The following DCDC1 variants were observed in gnomAD, a reference collection of about 807,000 sequenced individuals.
DCDC1 encodes doublecortin domain-containing protein 1.
A neutral mutation model predicts 178.3 loss-of-function variants in DCDC1; 200 were observed. That is an observed-to-expected ratio of 1.12 (90% CI 1.00 to 1.26). The LOEUF (loss-of-function observed/expected upper bound fraction) is 1.26. Among genes scored for constraint, DCDC1 ranks in the 50% most tolerant of loss-of-function variants. DCDC1 has a pLI of 0.00. For synonymous variants in DCDC1, 690 were observed against 604.8 expected (o/e 1.14, Z -2.07); for missense variants, 1,983 against 1,749.2 (o/e 1.13, Z -2.38).
At chr11:31,344,801 G>T (rs1255878996) in intron 1 of DCDC1, among the ~76,000 whole-genome samples, 1 of 152,042 alleles carries the variant, frequency 6.6e-6, no homozygotes, top group Non-Finnish European at 1.5e-5. Flanking sequence ...TAAGAAGCTG[G>T]CACTTTAAAA....
At chr11:31,257,944 A>G (rs1170622318) in intron 8 of DCDC1, among the ~76,000 whole-genome samples, 6 of 152,238 alleles carry the variant, frequency 3.9e-5, no homozygotes, top group African/African-American at 1.4e-4. Context: ...AGGAGACAGT[A>G]TCTCCAATGC....
intron 21 of DCDC1, among the ~76,000 whole-genome samples, chr11:30,932,831 G>T (rs193276020): frequency 6.6e-6 from 1 of 152,136 alleles, no homozygotes; most frequent in Non-Finnish European, 1.5e-5. Flanking sequence ...TGATGCTGGG[G>T]CAATAAAAGG....
intron 27 of DCDC1, among the ~76,000 whole-genome samples, chr11:30,915,135 G>A (rs945613511): frequency 6.6e-6 from 1 of 152,128 alleles, no homozygotes; most frequent in Admixed American, 6.6e-5. Flanking sequence ...TGGGGAGTAA[G>A]TTAATGAAAA....
chr11:31,247,526 G>A (rs1000655242), intron 8 of DCDC1, among the ~76,000 whole-genome samples: 2 of 151,866 alleles, frequency 1.3e-5, no homozygotes, highest in Non-Finnish European at 2.9e-5. Flanking sequence ...GAGTTGCCAT[G>A]TTCAGGGCTG....
At chr11:31,037,492 G>A (rs942428677) in intron 20 of DCDC1, among the ~76,000 whole-genome samples, 1 of 150,420 alleles carries the variant, frequency 6.6e-6, no homozygotes, top group Non-Finnish European at 1.5e-5. Flanking sequence ...GAGTGCAGTG[G>A]CGCGATCTCG....
At chr11:31,287,714 T>C (rs916872883) in intron 7 of DCDC1, among the ~76,000 whole-genome samples, 7 of 151,948 alleles carry the variant, frequency 4.6e-5, no homozygotes, top group Admixed American at 3.9e-4. Context: ...TCACCATCTG[T>C]GTTCTCTTTT....
chr11:30,963,162 C>T (rs116172174), intron 20 of DCDC1, among the ~76,000 whole-genome samples: 87 of 152,198 alleles, frequency 5.7e-4, no homozygotes, highest in African/African-American at 2.1e-3. Context: ...CAGCACCACG[C>T]TAGGCATTAC....
At position 30,989,310 on chromosome 11, in the gene DCDC1, A is replaced by G. The variant is rs1289401721; in HGVS notation, c.2592-36742T>C. ...TGTTTACATAGTACAGAGGGAGAAG[A>G]TATTTTTCAATATTTCATTTAATGT... On this transcript the variant is annotated intron_variant, in intron 20 of 38. Coordinates refer to ENST00000684477, the MANE Select transcript of DCDC1 (RefSeq NM_001387274.1). Among the ~76,000 whole-genome samples the G allele has an allele frequency of 7.2e-5, 11 of 152,284 alleles. No individual in the cohort carries two copies. In the East Asian group the frequency reaches 1.9e-3, roughly 27 times the overall value.
intron 20 of DCDC1, among the ~76,000 whole-genome samples, chr11:30,973,074 C>T (rs971606588): frequency 1.1e-4 from 17 of 152,060 alleles, no homozygotes; most frequent in African/African-American, 3.9e-4. Flanking sequence ...GAGTTCGAGA[C>T]CAGCCTGGGC....
chr11:30,872,651 C>A (rs962760438), intron 38 of DCDC1, among the ~76,000 whole-genome samples: 2 of 152,010 alleles, frequency 1.3e-5, no homozygotes, highest in Non-Finnish European at 2.9e-5. Flanking sequence ...CCGTTCCCTA[C>A]GACAACCCTC....
At chr11:31,287,547 G>C (rs767286989) in intron 7 of DCDC1, among the ~76,000 whole-genome samples, 15 of 151,962 alleles carry the variant, frequency 9.9e-5, no homozygotes, top group Non-Finnish European at 1.6e-4. Flanking sequence ...TGTCAATAAA[G>C]AGATGGTTCT....
intron 20 of DCDC1, among the ~76,000 whole-genome samples, chr11:31,050,766 G>A (rs970488758): frequency 2.0e-5 from 3 of 152,130 alleles, no homozygotes; most frequent in Non-Finnish European, 4.4e-5. Flanking sequence ...AATAACTGCA[G>A]TTCAACTCAC....
chr11:31,157,355 C>CAAA (rs1555090310), intron 9 of DCDC1, among the ~76,000 whole-genome samples: 1 of 121,932 alleles, frequency 8.2e-6, no homozygotes, highest in Admixed American at 8.9e-5. Flanking sequence ...GACCCTTTCT[C>CAAA]AAAAAAAAAA....
chr11:30,952,251 T>C (rs558359410), intron 21 of DCDC1, among the ~76,000 whole-genome samples, 194 bp downstream of exon 21: 46 of 152,214 alleles, frequency 3.0e-4, no homozygotes, highest in African/African-American at 1.0e-3. Context: ...CAAGAAAAAA[T>C]AGATAAGTTC....
chr11:31,277,533 T>C (rs959146104), intron 7 of DCDC1, among the ~76,000 whole-genome samples: 1 of 152,148 alleles, frequency 6.6e-6, no homozygotes, highest in Non-Finnish European at 1.5e-5. Flanking sequence ...TTTGCATTCT[T>C]ATCAGCTAAA....
intron 23 of DCDC1, among the ~76,000 whole-genome samples, chr11:30,923,078 A>G (rs1272967265): frequency 6.6e-6 from 1 of 152,062 alleles, no homozygotes; most frequent in Non-Finnish European, 1.5e-5. Flanking sequence ...GGAGTAAATT[A>G]CAGATTGGCA....
chr11:31,216,978 A>G (rs1240811483), intron 9 of DCDC1, among the ~76,000 whole-genome samples: 1 of 152,224 alleles, frequency 6.6e-6, no homozygotes, highest in Admixed American at 6.5e-5. Context: ...TTCAATAAAT[A>G]TGTTTATTAA....
chr11:30,960,179 T>C (rs565711904), intron 20 of DCDC1, among the ~76,000 whole-genome samples: 4 of 152,236 alleles, frequency 2.6e-5, no homozygotes, highest in South Asian at 4.1e-4. Flanking sequence ...TATAAATATA[T>C]AATAGAACAA....
intron 6 of DCDC1, among the ~76,000 whole-genome samples, chr11:31,298,823 C>T (rs1291589176): frequency 6.6e-6 from 1 of 152,110 alleles, no homozygotes; most frequent in Non-Finnish European, 1.5e-5. Flanking sequence ...AAGAATGCTG[C>T]CTTCTTTTAC....
Sources: gnomAD v4.1 joint callset for allele counts (sites outside exome capture counted in the v4.1 genomes callset) on GRCh38, gnomAD v4.1.1 for gene constraint, MANE v1.5 for transcripts, NCBI Gene and HGNC (gene_info 2026-07-23, HGNC 2026-07-21) for gene names.